Variants in POU6F2 observed in about 807,000 individuals in gnomAD.
POU6F2 encodes POU class 6 homeobox 2.
Under a neutral mutation model 71.3 loss-of-function variants are expected in POU6F2, and 31 were observed. That is an observed-to-expected ratio of 0.43 (90% CI 0.33 to 0.59). The LOEUF is 0.59. Among genes scored for constraint, POU6F2 ranks in the 20% least tolerant of loss-of-function variants. The probability of loss-of-function intolerance (pLI) is 0.04; values close to 1 mark genes in which losing one functional copy is unlikely to be tolerated. For missense variants in POU6F2, 783 were observed against 856.8 expected (o/e 0.91, Z 1.07); for synonymous variants, 347 against 355.7 (o/e 0.98, Z 0.27).
At chr7:39,416,274 A>G (rs1787672509) in intron 6 of POU6F2, among the ~76,000 whole-genome samples, 1 of 152,152 alleles carries the variant, frequency 6.6e-6, no homozygotes, top group East Asian at 1.9e-4. Context: ...GCAATGAGAC[A>G]TTCTTGAAAA....
chr7:38,980,376 A>G (rs1004290807), intron 1 of POU6F2, among the ~76,000 whole-genome samples: 1 of 152,250 alleles, frequency 6.6e-6, no homozygotes, highest in African/African-American at 2.4e-5. Flanking sequence ...TATGTATACC[A>G]TAAAAGTCAG....
chr7:38,992,540 G>C (rs1027958079), intron 1 of POU6F2, among the ~76,000 whole-genome samples: 1 of 152,166 alleles, frequency 6.6e-6, no homozygotes, highest in Non-Finnish European at 1.5e-5. Flanking sequence ...AAGGGGAGTG[G>C]AGAATGAGGA....
chr7:39,083,979 G>A (rs1187149559), intron 1 of POU6F2, among the ~76,000 whole-genome samples: 3 of 152,068 alleles, frequency 2.0e-5, no homozygotes, highest in East Asian at 1.9e-4. Context: ...TGATATCTGC[G>A]ATCTCATCCT....
At chr7:39,387,214 T>C (rs1415736252) in intron 5 of POU6F2, among the ~76,000 whole-genome samples, 1 of 152,234 alleles carries the variant, frequency 6.6e-6, no homozygotes, top group East Asian at 1.9e-4. Flanking sequence ...ATCCTTATTT[T>C]ATATTCCATC....
At chr7:39,106,776 A>G (rs1791697357) in intron 2 of POU6F2, among the ~76,000 whole-genome samples, 1 of 152,212 alleles carries the variant, frequency 6.6e-6, no homozygotes, top group Admixed American at 6.5e-5. Flanking sequence ...AATTTATACA[A>G]CTATGAACAG....
In POU6F2 at chr7:39,214,370, G is replaced by A. The variant is rs139061233; in HGVS notation, c.598+6750G>A. Among the ~76,000 whole-genome samples the A allele has an allele frequency of 3.9e-5, 6 of 151,914 alleles. No individual in the cohort carries two copies. The East Asian group carries it at 1.2e-3, about 29-fold the overall frequency. Reference sequence around the variant, plus strand: ...CCCAGCACTCCTGTCTCCCTTACTCGCTTTCTGCATTTTCTTTTTCCCTAA... The same window carrying A: ...CCCAGCACTCCTGTCTCCCTTACTCACTTTCTGCATTTTCTTTTTCCCTAA... On this transcript the variant is annotated intron_variant, in intron 4 of 9. Transcript: ENST00000518318.
At chr7:39,172,296 C>T (rs917757030) in intron 2 of POU6F2, among the ~76,000 whole-genome samples, 1 of 152,136 alleles carries the variant, frequency 6.6e-6, no homozygotes, top group African/African-American at 2.4e-5. Flanking sequence ...ACTTATATCC[C>T]ATAATTTACA....
intron 1 of POU6F2, among the ~76,000 whole-genome samples, chr7:39,077,740 T>A (rs1192370739): frequency 6.6e-6 from 1 of 152,214 alleles, no homozygotes; most frequent in Non-Finnish European, 1.5e-5. Flanking sequence ...ATCCTATATT[T>A]GCTGTATTAT....
chr7:39,218,583 T>C (rs1794288459), intron 4 of POU6F2, among the ~76,000 whole-genome samples: 1 of 152,138 alleles, frequency 6.6e-6, no homozygotes, highest in Admixed American at 6.5e-5. Flanking sequence ...GGTTGATCGA[T>C]TTCACAAATA....
At chr7:39,115,181 C>T (rs1791904585) in intron 2 of POU6F2, among the ~76,000 whole-genome samples, 1 of 152,072 alleles carries the variant, frequency 6.6e-6, no homozygotes, top group Admixed American at 6.5e-5. Context: ...GAGAAGAGAG[C>T]CAGGCCCAGC....
intron 4 of POU6F2, among the ~76,000 whole-genome samples, chr7:39,231,027 G>C (rs1025865107): frequency 1.3e-4 from 20 of 152,134 alleles, no homozygotes; most frequent in African/African-American, 4.6e-4. Flanking sequence ...GGCATCTAGA[G>C]GGTAGAGACC....
At chr7:39,274,180 A>C (rs1784391958) in intron 4 of POU6F2, among the ~76,000 whole-genome samples, 1 of 152,202 alleles carries the variant, frequency 6.6e-6, no homozygotes, top group African/African-American at 2.4e-5. Context: ...AAAAGAGAGA[A>C]GAATCAAATA....
chr7:39,192,775 G>T (rs1256477139), intron 2 of POU6F2, among the ~76,000 whole-genome samples: 1 of 152,098 alleles, frequency 6.6e-6, no homozygotes, highest in Non-Finnish European at 1.5e-5. Context: ...GGATTTAAGA[G>T]TCTACTGCAA....
intron 5 of POU6F2, among the ~76,000 whole-genome samples, chr7:39,371,571 A>G (rs1426524254): frequency 6.6e-6 from 1 of 152,094 alleles, no homozygotes; most frequent in Non-Finnish European, 1.5e-5. Flanking sequence ...TGACTGCTCT[A>G]ACAGTCACTG....
intron 5 of POU6F2, among the ~76,000 whole-genome samples, chr7:39,352,013 C>T (rs756315310): frequency 1.3e-5 from 2 of 152,208 alleles, no homozygotes; most frequent in South Asian, 4.1e-4. Flanking sequence ...CATTTGCCCA[C>T]CTCTCTGACC....
intron 2 of POU6F2, among the ~76,000 whole-genome samples, chr7:39,195,402 A>G (rs1307350598): frequency 6.6e-6 from 1 of 152,188 alleles, no homozygotes; most frequent in African/African-American, 2.4e-5. Context: ...TGCTTAAATC[A>G]TATTCTGCAT....
chr7:39,101,209 G>A (rs1336846928), intron 2 of POU6F2, among the ~76,000 whole-genome samples: 2 of 151,794 alleles, frequency 1.3e-5, no homozygotes, highest in African/African-American at 4.8e-5. Context: ...GAGTAGCTGG[G>A]ATTACAGCCA....
chr7:39,345,607 A>C (rs1786018335), intron 5 of POU6F2, among the ~76,000 whole-genome samples: 1 of 152,204 alleles, frequency 6.6e-6, no homozygotes, highest in Non-Finnish European at 1.5e-5. Context: ...CTAATTTATG[A>C]TTTTATGAAA....
chr7:38,997,449 G>A (rs1208263610), intron 1 of POU6F2, among the ~76,000 whole-genome samples: 2 of 152,170 alleles, frequency 1.3e-5, no homozygotes, highest in Non-Finnish European at 2.9e-5. Context: ...AGCTCCTGCA[G>A]CAATCTTCTA....
Sources: allele counts gnomAD v4.1 joint callset (sites outside exome capture counted in the v4.1 genomes callset), GRCh38; gene constraint gnomAD v4.1.1; transcripts MANE v1.5; gene names NCBI Gene and HGNC (gene_info 2026-07-23, HGNC 2026-07-21).